The following DCC variants were observed in gnomAD, a reference collection of about 807,000 sequenced individuals.
DCC encodes the protein netrin receptor DCC.
A neutral mutation model predicts 172.5 loss-of-function variants in DCC; 58 were observed. The observed-to-expected ratio is 0.34, with a 90% CI of 0.27 to 0.42. DCC has a LOEUF of 0.42. Ranked by LOEUF, DCC falls within the 10% of genes least tolerant of loss-of-function variation. DCC has a pLI of 1.00. For synonymous variants in DCC, 709 were observed against 644.5 expected (o/e 1.10, Z -1.52); for missense variants, 1,740 against 1,791.0 (o/e 0.97, Z 0.51).
At chr18:52,421,996 C>T (rs1445272996) in intron 1 of DCC, among the ~76,000 whole-genome samples, 1 of 152,140 alleles carries the variant, frequency 6.6e-6, no homozygotes, top group Non-Finnish European at 1.5e-5. Context: ...ATCTTCTTCT[C>T]ATCATGTTTT....
intron 1 of DCC, among the ~76,000 whole-genome samples, chr18:52,677,846 G>T (rs748927964): frequency 2.6e-5 from 4 of 152,140 alleles, no homozygotes; most frequent in Middle Eastern, 3.2e-3. Flanking sequence ...CGTTGAGCAA[G>T]TATATTAATA....
chr18:52,647,381 A>C (rs1280091546), intron 1 of DCC, among the ~76,000 whole-genome samples: 1 of 152,210 alleles, frequency 6.6e-6, no homozygotes, highest in East Asian at 1.9e-4. Context: ...CAAAAACTAC[A>C]GTATGGAGGA....
chr18:52,474,004 C>T (rs922215972), intron 1 of DCC, among the ~76,000 whole-genome samples: 1 of 151,954 alleles, frequency 6.6e-6, no homozygotes, highest in African/African-American at 2.4e-5. Context: ...TTTACTGCTC[C>T]TTCTTCCAGG....
intron 1 of DCC, among the ~76,000 whole-genome samples, chr18:52,624,559 T>G (rs1003789239): frequency 6.6e-6 from 1 of 152,216 alleles, no homozygotes; most frequent in Non-Finnish European, 1.5e-5. Context: ...GCTAGTGATT[T>G]CAGTGGTATT....
At position 52,784,076 on chromosome 18, in the gene DCC, A is replaced by C. The variant is rs535232162; in HGVS notation, c.412+31702A>C. Among the ~76,000 whole-genome samples, 9 of 151,942 alleles carry C rather than the reference A, an allele frequency of 5.9e-5. No homozygotes were observed. In the South Asian group the frequency reaches 8.3e-4, roughly 14 times the overall value. On this transcript the variant is annotated intron_variant, in intron 2 of 28. Transcript: ENST00000442544. ...TGTACCTATTGACTAACCTCTCTTC[A>C]TCCTCCTCCTCCACCCTTCCTAGAC... is the stretch of plus-strand genomic sequence containing the variant.
chr18:53,162,115 A>G (rs2054850096), intron 8 of DCC, among the ~76,000 whole-genome samples: 1 of 152,140 alleles, frequency 6.6e-6, no homozygotes. Context: ...CCCGGCCAAC[A>G]TAATGAAACC....
At position 53,531,286 on chromosome 18, in the gene DCC, A is replaced by T. The variant is rs1598857137; in HGVS notation, c.*633A>T. 6.3e-6 allele frequency: 1 copy of T among 158,548 alleles called. No individual in the cohort carries two copies. The highest frequency in any genetic ancestry group is 1.8e-4 in the East Asian group (1 of 5,508). 9.8% of individuals were successfully genotyped at this position (158,548 alleles called of 1,614,324 possible). A position where few individuals can be genotyped will look rare whatever the true frequency, so the allele number is the denominator to read the frequency against. On this transcript the variant is annotated 3_prime_UTR_variant, in exon 29 of 29. Transcript: ENST00000442544. ...TGGCTAAAAATTCACCTATTTTGGC[A>T]AGTATTTGTAAATCCACCCTTGGTT...
intron 1 of DCC, among the ~76,000 whole-genome samples, chr18:52,377,199 A>C (rs758110904): frequency 6.6e-6 from 1 of 152,174 alleles, no homozygotes; most frequent in Non-Finnish European, 1.5e-5. Context: ...GCTGCTGATG[A>C]ATAGTTCCTA....
intron 15 of DCC, among the ~76,000 whole-genome samples, chr18:53,344,659 C>T (rs1329454718): frequency 6.6e-6 from 1 of 151,472 alleles, no homozygotes; most frequent in Non-Finnish European, 1.5e-5. Flanking sequence ...CCATGCTGGT[C>T]TTGAACTCCT....
At chr18:52,626,037 C>T (rs530458963) in intron 1 of DCC, among the ~76,000 whole-genome samples, 1 of 152,152 alleles carries the variant, frequency 6.6e-6, no homozygotes, top group East Asian at 1.9e-4. Flanking sequence ...AATGTACATA[C>T]TCTCTCTAAA....
At chr18:52,690,113 G>A (rs969442023) in intron 1 of DCC, among the ~76,000 whole-genome samples, 8 of 152,126 alleles carry the variant, frequency 5.3e-5, no homozygotes, top group African/African-American at 1.7e-4. Flanking sequence ...CCTCAGGAGA[G>A]ACCATGAGGG....
At chr18:53,148,865 C>CTTTTTTTTTTTTTTGTTTTTTT (rs2043956687) in intron 7 of DCC, among the ~76,000 whole-genome samples, 1 of 109,820 alleles carries the variant, frequency 9.1e-6, no homozygotes, top group African/African-American at 3.7e-5. Context: ...TTCCCAATGC[C>CTTTTTTTTTTTTTTGTTTTTTT]TTTTTTTTTT....
intron 5 of DCC, among the ~76,000 whole-genome samples, chr18:53,025,711 T>A (rs1189972150): frequency 2.0e-5 from 3 of 151,824 alleles, no homozygotes; most frequent in Admixed American, 6.6e-5. Context: ...TTGAGGGACA[T>A]TTAAAGTAAC....
At chr18:53,095,851 ATTC>A (rs2043079677) in intron 7 of DCC, among the ~76,000 whole-genome samples, 1 of 128,258 alleles carries the variant, frequency 7.8e-6, no homozygotes, top group South Asian at 2.4e-4. Context: ...AAAAACACTT[ATTC>A]TTCTAAAATG....
intron 2 of DCC, among the ~76,000 whole-genome samples, chr18:52,865,426 C>A (rs1419021543): frequency 2.6e-5 from 4 of 152,090 alleles, no homozygotes; most frequent in Non-Finnish European, 5.9e-5. Flanking sequence ...CTGTCTTCCA[C>A]AATGGTTGAA....
chr18:53,025,965 T>C (rs1362226933), intron 5 of DCC, among the ~76,000 whole-genome samples: 1 of 152,066 alleles, frequency 6.6e-6, no homozygotes, highest in Non-Finnish European at 1.5e-5. Flanking sequence ...TTATAGATTT[T>C]CATAATTAGA....
At chr18:53,373,506 G>A (rs1459604043) in intron 15 of DCC, among the ~76,000 whole-genome samples, 4 of 151,966 alleles carry the variant, frequency 2.6e-5, no homozygotes, top group African/African-American at 9.7e-5. Flanking sequence ...TTGTTTGTAC[G>A]ACTCATTATT....
intron 7 of DCC, among the ~76,000 whole-genome samples, chr18:53,144,211 T>A (rs940994948): frequency 6.6e-6 from 1 of 152,216 alleles, no homozygotes; most frequent in African/African-American, 2.4e-5. Context: ...CTATTATGTT[T>A]CCTCATGTAG....
At chr18:52,451,985 C>G (rs533637596) in intron 1 of DCC, among the ~76,000 whole-genome samples, 4 of 152,294 alleles carry the variant, frequency 2.6e-5, no homozygotes, top group African/African-American at 9.6e-5. Flanking sequence ...TCTGTTCACA[C>G]TGGCAATGTC....
Sources: allele counts gnomAD v4.1 joint callset (sites outside exome capture counted in the v4.1 genomes callset), GRCh38; gene constraint gnomAD v4.1.1; transcripts MANE v1.5; gene names NCBI Gene and HGNC (gene_info 2026-07-23, HGNC 2026-07-21).